USP34: variants seen among roughly 807,000 people sequenced by gnomAD.
USP34 encodes ubiquitin carboxyl-terminal hydrolase 34.
A neutral mutation model predicts 460.3 loss-of-function variants in USP34; 70 were observed. The observed-to-expected ratio is 0.15, with a 90% CI of 0.13 to 0.19. The LOEUF (loss-of-function observed/expected upper bound fraction) is 0.19, where lower values mean the gene tolerates loss of function less well. Among genes scored for constraint, USP34 ranks in the 10% least tolerant of loss-of-function variants. The probability of loss-of-function intolerance (pLI) is 1.00; values close to 1 mark genes in which losing one functional copy is unlikely to be tolerated. For missense variants in USP34, 3,985 were observed against 4,236.2 expected, an observed-to-expected ratio of 0.94 and a Z score of 1.65; for synonymous variants, 1,647 against 1,405.3, an observed-to-expected ratio of 1.17 and a Z score of -3.85.
chr2:61,188,496 C>G lies in USP34; in HGVS notation c.10247G>C (p.Arg3416Pro), dbSNP rs770080485. 4 of 1,614,156 alleles carry G rather than the reference C, an allele frequency of 2.5e-6. No individual in the cohort carries two copies. The highest frequency in any genetic ancestry group is 3.4e-6 in the Non-Finnish European group (4 of 1,180,024). Reference protein sequence around the residue: ...SPENSSVKEYRMEVPSSFSED... With the variant: ...SPENSSVKEYPMEVPSSFSED... ...TGAAAACGAAGATGGAACTTCCATTCGGTATTCTTTAACAGAACTATTTTC... is the reference window on the plus strand; with the variant it reads ...TGAAAACGAAGATGGAACTTCCATTGGGTATTCTTTAACAGAACTATTTTC... Residue 3416 changes from arginine (R) to proline (P), a missense_variant, in exon 80 of 80, where the codon CGA becomes CCA. Arg to Pro is a moderately radical substitution (Grantham distance 103, BLOSUM62 -2). Coordinates refer to ENST00000398571, the MANE Select transcript of USP34 (RefSeq NM_014709.4).
chr2:61,254,947 G>T (rs1044705750), intron 48 of USP34, among the ~76,000 whole-genome samples: 1 of 152,140 alleles, frequency 6.6e-6, no homozygotes, highest in African/African-American at 2.4e-5. Context: ...CCAGCCTCAA[G>T]TGATCCTCCC....
At chr2:61,331,449 C>A in intron 19 of USP34, 78 bp from the exon 20 acceptor site, 2 of 1,147,068 alleles carry the variant, frequency 1.7e-6, no homozygotes, top group Non-Finnish European at 2.3e-6. Context: ...AGTAAATATG[C>A]AAATCTAAAA....
At position 61,278,437 on chromosome 2, in the gene USP34, G is replaced by A; in HGVS notation, c.5263C>T (p.Leu1755Phe). Residue 1755 changes from leucine (L) to phenylalanine (F), a missense_variant, in exon 40 of 80, where the codon CTC (leucine) becomes TTC (phenylalanine). Leu to Phe is a conservative substitution (Grantham distance 22). Coordinates refer to ENST00000398571, the MANE Select transcript of USP34 (RefSeq NM_014709.4). ...CTTGCCAAGGCATCTAAGTCGAGGAGCGTTGTCTTAATACAAAAAGAAAAT... is the reference window on the plus strand; with the variant it reads ...CTTGCCAAGGCATCTAAGTCGAGGAACGTTGTCTTAATACAAAAAGAAAAT... ...IHIKDASQTT[L>F]LDLDALARHL... The A allele has an allele frequency of 6.4e-7, 1 of 1,573,604 alleles. No homozygotes were observed. The highest frequency in any genetic ancestry group is 8.6e-7 in the Non-Finnish European group (1 of 1,165,706).
intron 35 of USP34, among the ~76,000 whole-genome samples, chr2:61,284,336 A>G (rs1220778973): frequency 6.6e-6 from 1 of 152,182 alleles, no homozygotes; most frequent in African/African-American, 2.4e-5. Context: ...AAAGTACTCT[A>G]TAAAATAACT....
At chr2:61,371,292 T>C (rs992807575) in intron 8 of USP34, among the ~76,000 whole-genome samples, 6 of 152,190 alleles carry the variant, frequency 3.9e-5, no homozygotes, top group South Asian at 2.1e-4. Flanking sequence ...AAGTATAGCA[T>C]GTACATACAG....
Position 61,350,341 on chromosome 2 carries a change from G to C in USP34, c.1426C>G (p.Leu476Val). The C allele has an allele frequency of 2.5e-6, 4 of 1,613,770 alleles. No individual in the cohort carries two copies. Among genetic ancestry groups the C allele is most frequent in the East Asian group, 2.2e-5 (1 of 44,808 alleles). The change falls in exon 12 of 80, where the codon CTA (leucine) becomes GTA (valine). Residue 476 changes from leucine to valine, a missense_variant. Physicochemically the swap from Leu to Val is conservative, Grantham distance 32. Around this residue, in one of 14 missense-constraint regions of USP34, gnomAD observed 716 missense variants for 626.2 expected, o/e 1.14. Transcript: ENST00000398571. ...MLIKALWNNA[L>V]AAKAQLSKQS... ...TTAGATAACTGAGCCTTAGCTGCTA[G>C]TGCGTTATTCCACAGTGCTTTAATT...
At chr2:61,329,586 GGTTGA>G (rs1229736659) in intron 20 of USP34, among the ~76,000 whole-genome samples, 16 of 152,270 alleles carry the variant, frequency 1.1e-4, no homozygotes, top group Admixed American at 3.3e-4. Context: ...AAACTGGAAA[GGTTGA>G]GTTGAGTTCA....
rs1014496079 is a variant in USP34, at chr2:61,190,023, C to G, written c.9873+248G>C. 18 of 380,526 alleles carry G rather than the reference C, an allele frequency of 4.7e-5. No homozygotes were observed. The South Asian group carries it at 1.0e-3, about 22-fold the overall frequency. The allele number at this position is 380,526 out of a possible 1,614,324, so 23.6% of individuals were successfully genotyped here. ...AAATATACCCAACTAGAGATAAGAC[C>G]ACTAAGATGTTCCCTTTATTACCTT... On this transcript the variant is annotated intron_variant, in intron 78 of 79. Coordinates refer to ENST00000398571, the MANE Select transcript of USP34 (RefSeq NM_014709.4).
chr2:61,230,080 T>C (rs764224649), intron 58 of USP34, among the ~76,000 whole-genome samples: 1 of 152,198 alleles, frequency 6.6e-6, no homozygotes, highest in Non-Finnish European at 1.5e-5. Flanking sequence ...TGTAACCATT[T>C]TGAGAAAAAT....
intron 3 of USP34, among the ~76,000 whole-genome samples, chr2:61,402,181 G>A (rs1467227752): frequency 6.6e-6 from 1 of 152,080 alleles, no homozygotes; most frequent in East Asian, 1.9e-4. Context: ...TCAGGAGGCT[G>A]AGGTGGGTGG....
chr2:61,321,825 T>C (rs1016481363), intron 21 of USP34, among the ~76,000 whole-genome samples: 5 of 152,266 alleles, frequency 3.3e-5, no homozygotes, highest in Admixed American at 2.0e-4. Flanking sequence ...ATCCTAAAAA[T>C]TGAGGAATCA....
chr2:61,311,105 AATT>A lies in USP34; in HGVS notation c.3817+432_3817+434del, dbSNP rs1227627492. Among the ~76,000 whole-genome samples the A allele has an allele frequency of 3.3e-5, 5 of 152,254 alleles. No homozygotes were observed. In the East Asian group the frequency reaches 9.6e-4, roughly 29 times the overall value. Reference sequence around the variant, plus strand: ...GGTTCAAAGTTGCTGCTATGGTTTGAATTTTTTTGTTCTCTCTGAAAATTCATG... The same window carrying A: ...GGTTCAAAGTTGCTGCTATGGTTTGATTTTTGTTCTCTCTGAAAATTCATG... On this transcript the variant is annotated intron_variant, in intron 27 of 79. Transcript: ENST00000398571.
chr2:61,303,259 T>C (rs748039013), intron 27 of USP34, among the ~76,000 whole-genome samples: 2 of 151,932 alleles, frequency 1.3e-5, no homozygotes, highest in Non-Finnish European at 2.9e-5. Flanking sequence ...TAGAGACGGG[T>C]TTCTCCATGT....
At position 61,444,035 on chromosome 2, in the gene USP34, C is replaced by T. The variant is rs139485928; in HGVS notation, c.44-23202G>A. 6.0e-3 allele frequency among the ~76,000 whole-genome samples: 914 copies of T among 152,186 alleles called. 7 individuals carry two copies. Among genetic ancestry groups the T allele is most frequent in the African/African-American group, 0.021 (864 of 41,516 alleles). ...CCTGTAACCCTAGCACTCTGGGAGG[C>T]GAAAGCAGGACTGCTTCAGCATGGG... On this transcript the variant is annotated intron_variant, in intron 1 of 79. Transcript: ENST00000398571.
chr2:61,399,573 A>T (rs1693647440), intron 3 of USP34, among the ~76,000 whole-genome samples: 1 of 152,034 alleles, frequency 6.6e-6, no homozygotes, highest in Non-Finnish European at 1.5e-5. Context: ...AAGTCTCATT[A>T]AAAGACGAAT....
Position 61,343,849 on chromosome 2 carries a change from A to T in USP34, c.2466T>A (p.Asn822Lys), listed in dbSNP as rs1409388838. 6.2e-7 allele frequency: 1 copy of T among 1,613,992 alleles called. No homozygotes were observed. Among genetic ancestry groups the T allele is most frequent in the South Asian group, 1.1e-5 (1 of 91,078 alleles). Residue 822 changes from asparagine to lysine, a missense_variant, in exon 16 of 80, where the codon AAT becomes AAA. Coordinates refer to ENST00000398571, the MANE Select transcript of USP34 (RefSeq NM_014709.4). The stretch of plus-strand genomic sequence containing the variant: ...GATGTTCATGGTAAATGGAAGCTAA[A>T]TTGGGAAGATGTTGTTGGAGGTGAG... ...LTSHLQQHLPNLASIYHEHLS... is the reference protein window; with the variant it reads ...LTSHLQQHLPKLASIYHEHLS...
At chr2:61,277,055 G>C (rs941693194) in intron 41 of USP34, among the ~76,000 whole-genome samples, 1 of 152,144 alleles carries the variant, frequency 6.6e-6, no homozygotes, top group Non-Finnish European at 1.5e-5. Flanking sequence ...TTGGTTCAGA[G>C]TCACGAAGTG....
chr2:61,306,707 T>A (rs976222704), intron 27 of USP34, among the ~76,000 whole-genome samples: 2 of 152,070 alleles, frequency 1.3e-5, no homozygotes, highest in Non-Finnish European at 2.9e-5. Context: ...AAAAGACACA[T>A]GAAAAAATGC....
intron 78 of USP34, 113 bp from the exon 79 acceptor site, chr2:61,189,182 T>TGG: frequency 1.7e-6 from 2 of 1,144,520 alleles, no homozygotes; most frequent in Non-Finnish European, 2.4e-6. Context: ...TTCCTAAGAA[T>TGG]ACCCTGGTTT....
Sources: allele counts gnomAD v4.1 joint callset (sites outside exome capture counted in the v4.1 genomes callset), GRCh38; gene constraint gnomAD v4.1.1; regional missense constraint gnomAD v4.1.1; transcripts MANE v1.5; gene names NCBI Gene and HGNC (gene_info 2026-07-23, HGNC 2026-07-21).